Variants in PDPN observed in about 807,000 individuals in gnomAD.
PDPN encodes the protein PA2.26 antigen.
In PDPN, 12 loss-of-function variants were observed where a neutral mutation model predicts 23.2. That is an observed-to-expected ratio of 0.52 (90% CI 0.33 to 0.84). The LOEUF (loss-of-function observed/expected upper bound fraction) is 0.84. PDPN is among the 40% of genes least tolerant of loss of function. The probability of loss-of-function intolerance (pLI) is 0.02; values close to 1 mark genes in which losing one functional copy is unlikely to be tolerated. For missense variants in PDPN, 199 were observed against 212.2 expected (o/e 0.94, Z 0.39); for synonymous variants, 77 against 76.7 (o/e 1.00, Z -0.02).
chr1:13,609,585 C>T (rs903397567), intron 2 of PDPN, among the ~76,000 whole-genome samples: 4 of 152,190 alleles, frequency 2.6e-5, no homozygotes, highest in Admixed American at 1.3e-4. Flanking sequence ...AACAATAACT[C>T]ATTCTTCCCT....
intron 1 of PDPN, among the ~76,000 whole-genome samples, chr1:13,585,919 A>G (rs139067770): frequency 4.4e-4 from 67 of 152,260 alleles, no homozygotes; most frequent in African/African-American, 1.5e-3. Context: ...GATCCTTTTC[A>G]TAAGATCCTA....
chr1:13,604,267 G>T (rs1377800672), intron 1 of PDPN, among the ~76,000 whole-genome samples: 1 of 152,184 alleles, frequency 6.6e-6, no homozygotes. Context: ...AAGGGGAAAA[G>T]ACATGAGATG....
intron 2 of PDPN, among the ~76,000 whole-genome samples, chr1:13,610,074 A>G (rs1366678388): frequency 6.6e-6 from 1 of 152,206 alleles, no homozygotes; most frequent in African/African-American, 2.4e-5. Context: ...CAAAAAAATA[A>G]AAACAAAAAA....
intron 1 of PDPN, among the ~76,000 whole-genome samples, chr1:13,605,771 C>G (rs1213604225): frequency 6.6e-6 from 1 of 152,084 alleles, no homozygotes; most frequent in Admixed American, 6.6e-5. Flanking sequence ...TACAGGCATG[C>G]AACCCCATGC....
chr1:13,583,901 T>C lies in PDPN; in HGVS notation c.-133T>C, dbSNP rs532055309. On this transcript the variant is annotated 5_prime_UTR_variant, in exon 1 of 6. Coordinates refer to ENST00000621990, the MANE Select transcript of PDPN (RefSeq NM_006474.5). Reference sequence around the variant, plus strand: ...GGGCACCCTCCCTCTCCGGGGCTCCTGCTCCCACCCCTCCGGCCCCCCCAC... The same window carrying C: ...GGGCACCCTCCCTCTCCGGGGCTCCCGCTCCCACCCCTCCGGCCCCCCCAC... The C allele has an allele frequency of 4.1e-5, 66 of 1,611,866 alleles. No individual in the cohort carries two copies. In the African/African-American group the frequency reaches 6.1e-4, roughly 15 times the overall value.
At chr1:13,615,477 A>G (rs556445923) in intron 5 of PDPN, among the ~76,000 whole-genome samples, 32 of 152,008 alleles carry the variant, frequency 2.1e-4, no homozygotes, top group African/African-American at 7.2e-4. Flanking sequence ...TAGTAGAGAT[A>G]GGGTTTCACC....
At chr1:13,587,968 T>C (rs1295734909) in intron 1 of PDPN, among the ~76,000 whole-genome samples, 1 of 152,174 alleles carries the variant, frequency 6.6e-6, no homozygotes, top group Non-Finnish European at 1.5e-5. Flanking sequence ...GCTGAGTGTC[T>C]TTGCCTTGAG....
chr1:13,607,444 A>C (rs1640820422), intron 2 of PDPN, 138 bp downstream of exon 2: 2 of 533,720 alleles, frequency 3.7e-6, no homozygotes, highest in Non-Finnish European at 6.0e-6. Context: ...AGGAATAGTT[A>C]CGTGGCTCAA....
chr1:13,587,556 C>G (rs548323307), intron 1 of PDPN, among the ~76,000 whole-genome samples: 1 of 152,172 alleles, frequency 6.6e-6, no homozygotes, highest in Admixed American at 6.6e-5. Context: ...GAATCAGATG[C>G]TGTAGGGCTT....
intron 1 of PDPN, among the ~76,000 whole-genome samples, chr1:13,598,505 T>TAC (rs1174807708): frequency 2.6e-5 from 4 of 152,148 alleles, no homozygotes; most frequent in Admixed American, 2.0e-4. Context: ...CCTTCCCTGA[T>TAC]ACACACACAC....
In PDPN at chr1:13,598,522, C is replaced by T. The variant is rs1570030793; in HGVS notation, c.68-8651C>T. 3.3e-5 allele frequency among the ~76,000 whole-genome samples: 5 copies of T among 152,308 alleles called. 1 individual carries two copies. In the Middle Eastern group the frequency reaches 0.017, roughly 518 times the overall value. On this transcript the variant is annotated intron_variant, in intron 1 of 5. Coordinates refer to ENST00000621990, the MANE Select transcript of PDPN (RefSeq NM_006474.5). The stretch of plus-strand genomic sequence containing the variant: ...TTCCCTGATACACACACACTATTCA[C>T]TTACTTGACTTAGAGTGGCCTCTGG...
chr1:13,599,362 C>T (rs1196031013), intron 1 of PDPN, among the ~76,000 whole-genome samples: 4 of 133,834 alleles, frequency 3.0e-5, no homozygotes, highest in Non-Finnish European at 1.5e-5. Flanking sequence ...TTGATGTGTT[C>T]GAGAAGCTAT....
At chr1:13,600,872 G>T (rs1640625542) in intron 1 of PDPN, among the ~76,000 whole-genome samples, 3 of 152,062 alleles carry the variant, frequency 2.0e-5, no homozygotes, top group Non-Finnish European at 2.9e-5. Context: ...CCTAAGAGAT[G>T]GGGTTGGGGG....
rs1225784376 is a variant in PDPN at position 13,609,933 on chromosome 1, G to A, written c.202-454G>A. ...TAGAAAATTAGCTGGGTGTGGTGGC[G>A]GGCGCCTGTAATCCCAGCTACTCGG... On this transcript the variant is annotated intron_variant, in intron 2 of 5. Coordinates refer to ENST00000621990, the MANE Select transcript of PDPN (RefSeq NM_006474.5). Among the ~76,000 whole-genome samples the A allele has an allele frequency of 4.6e-5, 7 of 151,950 alleles. No individual in the cohort carries two copies. In the South Asian group the frequency reaches 8.3e-4, roughly 18 times the overall value.
At chr1:13,605,868 G>A (rs1049668998) in intron 1 of PDPN, among the ~76,000 whole-genome samples, 7 of 152,038 alleles carry the variant, frequency 4.6e-5, no homozygotes, top group East Asian at 1.9e-4. Flanking sequence ...TGATCCGCCC[G>A]CCTTGGCCTC....
chr1:13,590,055 TGACCTCAA>T (rs1640297574), intron 1 of PDPN, among the ~76,000 whole-genome samples: 1 of 152,236 alleles, frequency 6.6e-6, no homozygotes, highest in Admixed American at 6.5e-5. Context: ...CTTGAACTCC[TGACCTCAA>T]GTGATCCACC....
Position 13,610,398 on chromosome 1 carries a change from T to C in PDPN, c.213T>C (p.Ser71=). The part of the protein sequence containing the change: ...KSGLTTLVAT[S]VNSVTGIRIE... ...TACACCTACAATAGGTGGCAACAAG[T>C]GTCAACAGTGTAACAGGCATTCGCA... is the stretch of plus-strand genomic sequence containing the variant. The change falls in exon 3 of 6, where the codon AGT becomes AGC. Residue 71 remains serine (S), a synonymous_variant. Coordinates refer to ENST00000621990, the MANE Select transcript of PDPN (RefSeq NM_006474.5). The C allele has an allele frequency of 6.2e-7, 1 of 1,613,612 alleles. No individual in the cohort carries two copies. The highest frequency in any genetic ancestry group is 1.1e-5 in the South Asian group (1 of 91,018).
At chr1:13,601,672 A>G (rs578003332) in intron 1 of PDPN, among the ~76,000 whole-genome samples, 28 of 152,292 alleles carry the variant, frequency 1.8e-4, no homozygotes, top group African/African-American at 6.7e-4. Context: ...ATAGTATTGG[A>G]AAGAAAAGAT....
intron 5 of PDPN, chr1:13,614,632 C>T: frequency 2.2e-6 from 1 of 456,118 alleles, no homozygotes; most frequent in Non-Finnish European, 4.0e-6. Flanking sequence ...AAGTTCCTTA[C>T]TTGGGCCTCT....
Sources: allele counts gnomAD v4.1 joint callset (sites outside exome capture counted in the v4.1 genomes callset), GRCh38; gene constraint gnomAD v4.1.1; transcripts MANE v1.5; gene names NCBI Gene and HGNC (gene_info 2026-07-23, HGNC 2026-07-21).